AGBL1: variants seen among roughly 807,000 people sequenced by gnomAD.
The protein encoded by AGBL1 is cytosolic carboxypeptidase 4.
AGBL1 carries 130 observed loss-of-function variants against 118.9 expected under a neutral mutation model. The observed-to-expected ratio is 1.09, with a 90% CI of 0.95 to 1.26. The LOEUF (loss-of-function observed/expected upper bound fraction) is 1.26. Ranked by LOEUF, AGBL1 falls within the 50% of genes most tolerant of loss-of-function variation. The pLI, the probability that AGBL1 is intolerant of heterozygous loss-of-function variation, is 0.00. For synonymous variants in AGBL1, 555 were observed against 478.9 expected, an observed-to-expected ratio of 1.16 and a Z score of -2.08; for missense variants, 1,584 against 1,298.1, an observed-to-expected ratio of 1.22 and a Z score of -3.38.
chr15:86,742,407 T>G (rs1408211281), intron 22 of AGBL1, among the ~76,000 whole-genome samples: 1 of 152,200 alleles, frequency 6.6e-6, no homozygotes, highest in Non-Finnish European at 1.5e-5. Context: ...TACCCACACT[T>G]TGGCAAAAGC....
chr15:86,528,568 C>CA (rs2142213540), intron 19 of AGBL1, among the ~76,000 whole-genome samples: 1 of 142,282 alleles, frequency 7.0e-6, no homozygotes, highest in African/African-American at 2.6e-5. Context: ...CTTAGGTAAA[C>CA]AAAGCAGCCG....
chr15:86,816,203 A>G (rs141539890), intron 22 of AGBL1, among the ~76,000 whole-genome samples: 1,861 of 152,350 alleles, frequency 0.012, 26 homozygotes, highest in Middle Eastern at 0.061. Context: ...GACAAAATGT[A>G]TAGTAGCAAA....
intron 17 of AGBL1, among the ~76,000 whole-genome samples, chr15:86,358,177 T>C (rs1238274862): frequency 6.6e-6 from 1 of 152,026 alleles, no homozygotes; most frequent in African/African-American, 2.4e-5. Flanking sequence ...TTAATCAATA[T>C]CTCCCCATTT....
chr15:86,325,062 C>A (rs1011070458), intron 17 of AGBL1, among the ~76,000 whole-genome samples: 1 of 152,124 alleles, frequency 6.6e-6, no homozygotes, highest in Non-Finnish European at 1.5e-5. Context: ...AGTTTTGTTT[C>A]ATCCTATAGT....
At chr15:86,140,176 G>C (rs2076943806) in intron 1 of AGBL1, 1 of 153,524 alleles carries the variant, frequency 6.5e-6, no homozygotes, top group African/African-American at 2.4e-5. Context: ...CCCGCCCACA[G>C]GTGTTAATCA....
At position 86,183,870 on chromosome 15, in the gene AGBL1, A is replaced by G. The variant is rs568806147; in HGVS notation, c.488+24844A>G. ...CTAAAATATAAAAGGGTAAGAGGGAACGTGGAAAATGATCATTCTGAAACA... is the reference window on the plus strand; with the variant it reads ...CTAAAATATAAAAGGGTAAGAGGGAGCGTGGAAAATGATCATTCTGAAACA... On this transcript the variant is annotated intron_variant, in intron 5 of 22. Transcript: ENST00000614907. 9.8e-5 allele frequency among the ~76,000 whole-genome samples: 15 copies of G among 152,332 alleles called. No homozygotes were observed. The South Asian group carries it at 3.1e-3, about 32-fold the overall frequency.
chr15:86,635,337 CCTACTCCTCTTA>C (rs1422638688), intron 21 of AGBL1, among the ~76,000 whole-genome samples: 1 of 76,744 alleles, frequency 1.3e-5, no homozygotes, highest in African/African-American at 4.5e-5. Context: ...TCCTCCTCCT[CCTACTCCTCTTA>C]CTCCTCCTCC....
chr15:86,479,024 A>G (rs1007282384), intron 18 of AGBL1, among the ~76,000 whole-genome samples: 2 of 152,230 alleles, frequency 1.3e-5, no homozygotes, highest in Non-Finnish European at 2.9e-5. Flanking sequence ...AAAACTGGCT[A>G]GCCACATGTA....
chr15:86,357,343 C>T (rs553375272), intron 17 of AGBL1, among the ~76,000 whole-genome samples: 1 of 152,280 alleles, frequency 6.6e-6, no homozygotes, highest in South Asian at 2.1e-4. Context: ...TAAGTCAAAA[C>T]TGAATGATCA....
intron 22 of AGBL1, among the ~76,000 whole-genome samples, chr15:86,760,280 T>C (rs2078005186): frequency 6.6e-6 from 1 of 152,048 alleles, no homozygotes; most frequent in Admixed American, 6.6e-5. Flanking sequence ...AACTGTACGT[T>C]AGGGTGTCTT....
intron 18 of AGBL1, among the ~76,000 whole-genome samples, chr15:86,412,820 A>G (rs1456145413): frequency 6.6e-6 from 1 of 152,204 alleles, no homozygotes; most frequent in East Asian, 1.9e-4. Flanking sequence ...CATTACAAGA[A>G]AATGGCAAAT....
intron 22 of AGBL1, among the ~76,000 whole-genome samples, chr15:86,901,229 T>G (rs1445543214): frequency 6.6e-6 from 1 of 152,204 alleles, no homozygotes; most frequent in African/African-American, 2.4e-5. Context: ...TCTAAAAGAT[T>G]TTTTTAAAGA....
intron 22 of AGBL1, among the ~76,000 whole-genome samples, chr15:86,906,766 A>ATACTCTGCT (rs1459179228): frequency 1.3e-5 from 2 of 152,144 alleles, no homozygotes; most frequent in East Asian, 3.9e-4. Flanking sequence ...TAAGAAATGT[A>ATACTCTGCT]TACTCTGCTG....
At chr15:86,261,317 G>C (rs545653112) in intron 9 of AGBL1, among the ~76,000 whole-genome samples, 4 of 152,260 alleles carry the variant, frequency 2.6e-5, no homozygotes, top group South Asian at 4.2e-4. Flanking sequence ...TGCAGTGGAG[G>C]GGGTGAAGGC....
intron 18 of AGBL1, among the ~76,000 whole-genome samples, chr15:86,481,672 G>A (rs891261361): frequency 6.6e-6 from 1 of 152,036 alleles, no homozygotes; most frequent in African/African-American, 2.4e-5. Flanking sequence ...CTATATCATT[G>A]ATTATTTATT....
intron 22 of AGBL1, among the ~76,000 whole-genome samples, chr15:86,780,632 C>A (rs1340212704): frequency 6.7e-6 from 1 of 149,906 alleles, no homozygotes; most frequent in Non-Finnish European, 1.5e-5. Context: ...AAATATCTTT[C>A]AATTAATTGG....
At chr15:86,636,302 C>T (rs1403699689) in intron 21 of AGBL1, among the ~76,000 whole-genome samples, 2 of 152,038 alleles carry the variant, frequency 1.3e-5, no homozygotes, top group Non-Finnish European at 1.5e-5. Flanking sequence ...AATATATCTC[C>T]ACTGATGCTC....
chr15:86,521,024 C>T (rs553699077), intron 18 of AGBL1, among the ~76,000 whole-genome samples: 7 of 152,222 alleles, frequency 4.6e-5, no homozygotes, highest in African/African-American at 1.4e-4. Flanking sequence ...AGAAAAAAAG[C>T]AGGCAAAGAA....
intron 21 of AGBL1, among the ~76,000 whole-genome samples, chr15:86,631,638 T>C (rs1007623128): frequency 6.6e-6 from 1 of 152,230 alleles, no homozygotes; most frequent in Non-Finnish European, 1.5e-5. Flanking sequence ...AGCCTGCTAA[T>C]GGAACCTCCT....
Sources: gnomAD v4.1 joint callset for allele counts (sites outside exome capture counted in the v4.1 genomes callset) on GRCh38, gnomAD v4.1.1 for gene constraint, MANE v1.5 for transcripts, NCBI Gene and HGNC (gene_info 2026-07-23, HGNC 2026-07-21) for gene names.